The following AGAP1 variants were observed in gnomAD, a reference collection of about 807,000 sequenced individuals.
AGAP1 encodes arf-GAP with GTPase, ANK repeat and PH domain-containing protein 1.
A neutral mutation model predicts 105.3 loss-of-function variants in AGAP1; 29 were observed. The ratio of observed to expected loss-of-function variants is 0.28; its 90% CI spans 0.21 to 0.38. AGAP1 has a LOEUF of 0.38. AGAP1 is among the 10% of genes least tolerant of loss of function. AGAP1 has a pLI of 1.00. For missense variants in AGAP1, 998 were observed against 1,165.1 expected (o/e 0.86, Z 2.09); for synonymous variants, 509 against 485.9 (o/e 1.05, Z -0.63).
chr2:235,636,418 G>A (rs1947003960), intron 1 of AGAP1, among the ~76,000 whole-genome samples: 1 of 152,182 alleles, frequency 6.6e-6, no homozygotes, highest in South Asian at 2.1e-4. Context: ...ACACCCAGGA[G>A]AAAGCCCTTC....
intron 1 of AGAP1, among the ~76,000 whole-genome samples, chr2:235,522,040 C>T (rs973219157): frequency 1.3e-5 from 2 of 152,122 alleles, no homozygotes; most frequent in Non-Finnish European, 2.9e-5. Context: ...TTGAATACAT[C>T]GGATGTAATC....
intron 1 of AGAP1, among the ~76,000 whole-genome samples, chr2:235,667,790 C>T (rs1309776445): frequency 1.3e-5 from 2 of 151,952 alleles, no homozygotes; most frequent in East Asian, 3.9e-4. Context: ...GAAACCCCAT[C>T]TCTACTAAAA....
In AGAP1 at chr2:236,090,454, C is replaced by G. The variant is rs892884504; in HGVS notation, c.2115-29738C>G. Among the ~76,000 whole-genome samples the G allele has an allele frequency of 6.6e-6, 1 of 152,140 alleles. No individual in the cohort carries two copies. The highest frequency in any genetic ancestry group is 2.4e-5 in the African/African-American group (1 of 41,414). On this transcript the variant is annotated intron_variant, in intron 16 of 17. Transcript: ENST00000304032. The surrounding 1 kb of genome is among the most constrained non-coding windows in gnomAD (Gnocchi z 4.3). ...TGGTAACAGATTAGAGGCATTTTAT[C>G]TTTTTAAATAATTTCCAAATGTGCC...
chr2:235,646,044 A>G (rs1284467712), intron 1 of AGAP1, among the ~76,000 whole-genome samples: 1 of 152,134 alleles, frequency 6.6e-6, no homozygotes, highest in Non-Finnish European at 1.5e-5. Flanking sequence ...TAGGAGTCCC[A>G]GATGGGCAGA....
intron 6 of AGAP1, among the ~76,000 whole-genome samples, chr2:235,782,685 CCA>C (rs1399335526): frequency 2.0e-5 from 3 of 152,128 alleles, no homozygotes; most frequent in Non-Finnish European, 4.4e-5. Flanking sequence ...TGTAGCAGTA[CCA>C]GTGGGAGAAC....
At chr2:235,505,253 G>A (rs2149011161) in intron 1 of AGAP1, among the ~76,000 whole-genome samples, 1 of 152,360 alleles carries the variant, frequency 6.6e-6, no homozygotes, top group Middle Eastern at 3.4e-3. Context: ...AAAGCTAAGT[G>A]TTGCCAACTC....
intron 13 of AGAP1, among the ~76,000 whole-genome samples, chr2:236,010,064 C>A (rs183531498): frequency 6.6e-6 from 1 of 150,490 alleles, no homozygotes; most frequent in African/African-American, 2.5e-5. Flanking sequence ...TTGAAGTGTT[C>A]AGTTAAGTTT....
intron 1 of AGAP1, among the ~76,000 whole-genome samples, chr2:235,604,957 T>G (rs1268893313): frequency 1.3e-5 from 2 of 152,080 alleles, no homozygotes; most frequent in African/African-American, 2.4e-5. Flanking sequence ...CCTGGCTCAC[T>G]GCAACTTCTG....
chr2:235,861,256 A>G (rs2048917847), intron 9 of AGAP1, among the ~76,000 whole-genome samples: 1 of 152,114 alleles, frequency 6.6e-6, no homozygotes, highest in East Asian at 1.9e-4. Context: ...GTTCAACATC[A>G]CTTCATCCTC....
rs111773761 is a variant in AGAP1 at position 235,716,757 on chromosome 2, C to T, written c.223-800C>T. 5.9e-5 allele frequency among the ~76,000 whole-genome samples: 9 copies of T among 152,102 alleles called. No homozygotes were observed. Among genetic ancestry groups the T allele is most frequent in the African/African-American group, 2.2e-4 (9 of 41,472 alleles). The stretch of plus-strand genomic sequence containing the variant: ...AAGGGAGGCTCCCTGTAGGATCGGC[C>T]ACTTGGAGGCTGGGAGGCCAGGTGT... On this transcript the variant is annotated intron_variant, in intron 2 of 17. Transcript: ENST00000304032. This position sits in a 1 kb window ranked among gnomAD's most constrained non-coding sequence, Gnocchi z 4.0.
intron 16 of AGAP1, among the ~76,000 whole-genome samples, chr2:236,063,083 C>G (rs2058247886): frequency 1.3e-5 from 2 of 151,960 alleles, no homozygotes; most frequent in Non-Finnish European, 1.5e-5. Flanking sequence ...GCACTGCGCC[C>G]CGCTGTACTC....
intron 6 of AGAP1, among the ~76,000 whole-genome samples, chr2:235,797,142 AG>A (rs1957279066): frequency 6.6e-6 from 1 of 152,136 alleles, no homozygotes; most frequent in Non-Finnish European, 1.5e-5. Flanking sequence ...GGAAAAAAAA[AG>A]ATTTTTGTCT....
At position 235,788,272 on chromosome 2, in the gene AGAP1, T is replaced by G. The variant is rs572166977; in HGVS notation, c.674-9487T>G. 1.5e-4 allele frequency among the ~76,000 whole-genome samples: 23 copies of G among 152,296 alleles called. No individual in the cohort carries two copies. The highest frequency in any genetic ancestry group is 5.3e-4 in the African/African-American group (22 of 41,566). On this transcript the variant is annotated intron_variant, in intron 6 of 17. Coordinates refer to ENST00000304032, the MANE Select transcript of AGAP1 (RefSeq NM_001037131.3). The surrounding 1 kb of genome is among the most constrained non-coding windows in gnomAD (Gnocchi z 6.0). Reference sequence around the variant, plus strand: ...TAATTCCTTCACGCTGGAGTATGACTTGGATGTACAAACTCCTAATCCCTA... The same window carrying G: ...TAATTCCTTCACGCTGGAGTATGACGTGGATGTACAAACTCCTAATCCCTA...
chr2:235,742,633 A>T (rs1952658462), intron 4 of AGAP1, among the ~76,000 whole-genome samples: 1 of 152,188 alleles, frequency 6.6e-6, no homozygotes. Context: ...GCTCTTTCTT[A>T]GTCCCACTGA....
At chr2:235,836,038 A>G (rs1462229044) in intron 9 of AGAP1, among the ~76,000 whole-genome samples, 1 of 152,242 alleles carries the variant, frequency 6.6e-6, no homozygotes, top group Non-Finnish European at 1.5e-5. Context: ...CTCTAACAGC[A>G]TCTGTTCCTT....
At chr2:235,940,157 T>A (rs1363663028) in intron 12 of AGAP1, among the ~76,000 whole-genome samples, 2 of 152,106 alleles carry the variant, frequency 1.3e-5, no homozygotes, top group African/African-American at 4.8e-5. Flanking sequence ...CCTCACAGTC[T>A]GTTCATTTGC....
intron 1 of AGAP1, among the ~76,000 whole-genome samples, chr2:235,529,450 G>A (rs755665746): frequency 2.6e-5 from 4 of 152,204 alleles, no homozygotes; most frequent in Non-Finnish European, 4.4e-5. Flanking sequence ...CCTGATCTTA[G>A]AGCCTGTGTG....
intron 11 of AGAP1, among the ~76,000 whole-genome samples, chr2:235,909,216 A>C (rs376029449): frequency 1.3e-5 from 2 of 152,350 alleles, no homozygotes; most frequent in East Asian, 3.9e-4. Flanking sequence ...AAAAACGTGA[A>C]TTAACGTTAA....
chr2:235,943,329 C>T (rs1459065267), intron 12 of AGAP1, among the ~76,000 whole-genome samples: 1 of 149,988 alleles, frequency 6.7e-6, no homozygotes, highest in Admixed American at 6.6e-5. Context: ...ATTTTATAAA[C>T]ACATGCAAAA....
Sources: allele counts gnomAD v4.1 joint callset (sites outside exome capture counted in the v4.1 genomes callset), GRCh38; gene constraint gnomAD v4.1.1; non-coding constraint Gnocchi (gnomAD v3.1); transcripts MANE v1.5; gene names NCBI Gene and HGNC (gene_info 2026-07-23, HGNC 2026-07-21).